Variants in SNTG1 observed in about 807,000 individuals in gnomAD.
The protein encoded by SNTG1 is gamma-1-syntrophin.
In SNTG1, 39 loss-of-function variants were observed where a neutral mutation model predicts 74.7. The observed-to-expected ratio is 0.52, with a 90% CI of 0.40 to 0.68. The LOEUF is 0.68. SNTG1 is among the 30% of genes least tolerant of loss of function. The pLI is 0.00. For missense variants in SNTG1, 685 were observed against 609.5 expected (o/e 1.12, Z -1.30); for synonymous variants, 254 against 217.1 (o/e 1.17, Z -1.49).
At chr8:50,015,999 T>C (rs1259552880) in intron 1 of SNTG1, among the ~76,000 whole-genome samples, 1 of 152,114 alleles carries the variant, frequency 6.6e-6, no homozygotes, top group Non-Finnish European at 1.5e-5. Context: ...TTTCTGTTGA[T>C]GAATGTCAGC....
chr8:50,149,074 C>T (rs977564606), intron 1 of SNTG1, among the ~76,000 whole-genome samples: 2 of 152,130 alleles, frequency 1.3e-5, no homozygotes, highest in Admixed American at 6.6e-5. Flanking sequence ...TTTCCTGACT[C>T]TTTATGATCA....
intron 18 of SNTG1, among the ~76,000 whole-genome samples, chr8:50,764,751 T>C (rs2095609273): frequency 6.6e-6 from 1 of 151,962 alleles, no homozygotes; most frequent in Non-Finnish European, 1.5e-5. Context: ...CACCACTCTG[T>C]GTAGAGCCAG....
At chr8:50,655,993 A>T (rs771895154) in intron 13 of SNTG1, among the ~76,000 whole-genome samples, 22 of 152,048 alleles carry the variant, frequency 1.4e-4, no homozygotes. Flanking sequence ...TACTAAGCTA[A>T]CTCTACTTGC....
At chr8:50,061,056 C>T (rs1159437507) in intron 1 of SNTG1, among the ~76,000 whole-genome samples, 3 of 151,956 alleles carry the variant, frequency 2.0e-5, no homozygotes, top group East Asian at 3.9e-4. Flanking sequence ...TGGGTACTGG[C>T]CTTAAAAATG....
chr8:50,747,654 T>C (rs894197177), intron 17 of SNTG1: 1 of 152,038 alleles, frequency 6.6e-6, no homozygotes, highest in Non-Finnish European at 1.5e-5. Flanking sequence ...GATCTTGTTT[T>C]AGTATTAATC....
chr8:50,126,667 T>A (rs1322174256), intron 1 of SNTG1, among the ~76,000 whole-genome samples: 2 of 152,018 alleles, frequency 1.3e-5, no homozygotes, highest in African/African-American at 4.8e-5. Context: ...ATAACACAGA[T>A]CCCAATGTTG....
intron 2 of SNTG1, among the ~76,000 whole-genome samples, chr8:50,196,480 G>A (rs530843610): frequency 6.6e-6 from 1 of 152,230 alleles, no homozygotes; most frequent in Admixed American, 6.5e-5. Flanking sequence ...TACTTTTACA[G>A]CAAGTGTGGA....
rs1426138443 is a variant in SNTG1, at chr8:50,382,036, C to T, written c.-27-12176C>T. ...GTAAGCTGGGAGGCTAGGCCGGCCT[C>T]GTCTTTTCACATTTCTCTGCCTCCT... On this transcript the variant is annotated intron_variant, in intron 2 of 18. Coordinates refer to ENST00000642720, the MANE Select transcript of SNTG1 (RefSeq NM_018967.5). 5 of 151,546 alleles carry T rather than the reference C, an allele frequency of 3.3e-5. No homozygotes were observed. In the South Asian group the frequency reaches 6.3e-4, roughly 19 times the overall value. 9.4% of individuals were successfully genotyped at this position (151,546 alleles called of 1,614,324 possible). A position where few individuals can be genotyped will look rare whatever the true frequency, so the allele number is the denominator to read the frequency against.
intron 1 of SNTG1, among the ~76,000 whole-genome samples, chr8:49,929,418 C>T (rs1807347597): frequency 6.6e-6 from 1 of 152,162 alleles, no homozygotes; most frequent in Admixed American, 6.5e-5. Flanking sequence ...GCAGGCCATC[C>T]CTGATTTAGG....
intron 18 of SNTG1, among the ~76,000 whole-genome samples, chr8:50,757,906 C>T (rs537696714): frequency 7.9e-4 from 120 of 151,872 alleles, no homozygotes; most frequent in Non-Finnish European, 1.5e-3. Context: ...AAACCAAGTC[C>T]GCCTTCAAAA....
At chr8:49,964,840 T>A (rs934950335) in intron 1 of SNTG1, among the ~76,000 whole-genome samples, 2 of 152,238 alleles carry the variant, frequency 1.3e-5, no homozygotes, top group Non-Finnish European at 2.9e-5. Context: ...ATAGATGGAA[T>A]TATTCTCAGT....
At chr8:50,299,748 T>C (rs1404348127) in intron 2 of SNTG1, among the ~76,000 whole-genome samples, 1 of 152,108 alleles carries the variant, frequency 6.6e-6, no homozygotes, top group Non-Finnish European at 1.5e-5. Context: ...TTTATTGGGA[T>C]CTCCGTTAGA....
chr8:49,919,162 T>A (rs141755182), intron 1 of SNTG1, among the ~76,000 whole-genome samples: 99 of 152,190 alleles, frequency 6.5e-4, no homozygotes, highest in Admixed American at 2.6e-3. Context: ...CTTACTCACC[T>A]CCTTACCAGT....
chr8:50,015,763 G>A (rs1816250342), intron 1 of SNTG1, among the ~76,000 whole-genome samples: 1 of 152,102 alleles, frequency 6.6e-6, no homozygotes, highest in Non-Finnish European at 1.5e-5. Context: ...AAGTCAGTTT[G>A]TTTATTCCTG....
chr8:50,666,213 A>G (rs944116149), intron 15 of SNTG1, among the ~76,000 whole-genome samples: 1 of 152,162 alleles, frequency 6.6e-6, no homozygotes, highest in Non-Finnish European at 1.5e-5. Context: ...CAAGTGAGAC[A>G]CATTTCATAT....
At chr8:50,539,318 G>T (rs778102721) in intron 11 of SNTG1, among the ~76,000 whole-genome samples, 4 of 152,060 alleles carry the variant, frequency 2.6e-5, no homozygotes, top group Admixed American at 6.6e-5. Context: ...TGTTGTTCTT[G>T]TTCTTGTTGT....
intron 1 of SNTG1, among the ~76,000 whole-genome samples, chr8:50,086,882 T>C (rs1451040046): frequency 1.3e-5 from 2 of 152,168 alleles, no homozygotes; most frequent in African/African-American, 4.8e-5. Context: ...AGCAAACTTG[T>C]AGGCAGCTGC....
At chr8:50,556,492 T>C (rs2094456253) in intron 12 of SNTG1, among the ~76,000 whole-genome samples, 1 of 152,166 alleles carries the variant, frequency 6.6e-6, no homozygotes. Flanking sequence ...AAACAGTAAT[T>C]GCTTCCAATT....
At chr8:50,492,993 G>T (rs1038474896) in intron 8 of SNTG1, among the ~76,000 whole-genome samples, 16 of 152,098 alleles carry the variant, frequency 1.1e-4, no homozygotes, top group African/African-American at 3.4e-4. Context: ...CAGAACGGAG[G>T]CCTCAGAAAT....
Sources: gnomAD v4.1 joint callset for allele counts (sites outside exome capture counted in the v4.1 genomes callset) on GRCh38, gnomAD v4.1.1 for gene constraint, MANE v1.5 for transcripts, NCBI Gene and HGNC (gene_info 2026-07-23, HGNC 2026-07-21) for gene names.